Variants in CNTN5 observed in about 807,000 individuals in gnomAD.
CNTN5 encodes contactin 5.
CNTN5 carries 77 observed loss-of-function variants against 129.1 expected under a neutral mutation model. The observed-to-expected ratio is 0.60, with a 90% confidence interval of 0.50 to 0.72. The LOEUF is 0.72. Ranked by LOEUF, CNTN5 falls within the 30% of genes least tolerant of loss-of-function variation. The pLI, the probability that CNTN5 is intolerant of heterozygous loss-of-function variation, is 0.00. For synonymous variants in CNTN5, 509 were observed against 465.6 expected (o/e 1.09, Z -1.20); for missense variants, 1,478 against 1,328.8 (o/e 1.11, Z -1.75).
intron 1 of CNTN5, among the ~76,000 whole-genome samples, chr11:99,162,066 T>C (rs1860635916): frequency 6.6e-6 from 1 of 152,120 alleles, no homozygotes; most frequent in Non-Finnish European, 1.5e-5. Context: ...TCTACAACCC[T>C]AGACTACCCT....
chr11:100,219,698 C>T (rs1168918377), intron 15 of CNTN5, among the ~76,000 whole-genome samples: 2 of 152,118 alleles, frequency 1.3e-5, no homozygotes, highest in East Asian at 3.9e-4. Context: ...GCCCTATTTA[C>T]TCATTTTGAG....
At chr11:99,552,229 A>G (rs1236753561) in intron 2 of CNTN5, among the ~76,000 whole-genome samples, 3 of 137,170 alleles carry the variant, frequency 2.2e-5, no homozygotes, top group Non-Finnish European at 3.0e-5. Context: ...TTTTTTTTGT[A>G]TTATATTTTG....
At chr11:99,906,652 G>A (rs575850180) in intron 6 of CNTN5, among the ~76,000 whole-genome samples, 11 of 152,232 alleles carry the variant, frequency 7.2e-5, no homozygotes, top group African/African-American at 2.2e-4. Flanking sequence ...GGATGATGCT[G>A]CCCTCATAAA....
At chr11:99,513,386 C>G (rs1198249221) in intron 2 of CNTN5, among the ~76,000 whole-genome samples, 4 of 152,040 alleles carry the variant, frequency 2.6e-5, no homozygotes, top group East Asian at 1.9e-4. Flanking sequence ...TAGTTAAGAT[C>G]GTTGATGAAG....
chr11:99,678,953 C>T (rs986744513), intron 3 of CNTN5, among the ~76,000 whole-genome samples: 9 of 148,438 alleles, frequency 6.1e-5, no homozygotes, highest in African/African-American at 2.2e-4. Context: ...ATCTGCTATT[C>T]ACTCTCTCTC....
At chr11:100,035,829 G>A (rs1389032504) in intron 9 of CNTN5, among the ~76,000 whole-genome samples, 2 of 151,814 alleles carry the variant, frequency 1.3e-5, no homozygotes, top group Non-Finnish European at 2.9e-5. Context: ...TTTTTTTCTT[G>A]TAAATTTGTT....
rs111777548 is a variant in CNTN5, at chr11:99,717,998, C to A, written c.56-101546C>A. Among the ~76,000 whole-genome samples the A allele has an allele frequency of 3.0e-3, 459 of 152,216 alleles. 3 individuals carry two copies. The highest frequency in any genetic ancestry group is 9.8e-3 in the African/African-American group (409 of 41,542). Reference sequence around the variant, plus strand: ...AGGCGTTTCATTGCGAATTTCAACTCAGGTTTACTTCCTACATTTTAATTA... The same window carrying A: ...AGGCGTTTCATTGCGAATTTCAACTAAGGTTTACTTCCTACATTTTAATTA... On this transcript the variant is annotated intron_variant, in intron 3 of 24. Transcript: ENST00000524871.
At chr11:100,139,573 T>C (rs74971410) in intron 13 of CNTN5, among the ~76,000 whole-genome samples, 14,396 of 152,084 alleles carry the variant, frequency 0.095, 857 homozygotes, top group Non-Finnish European at 0.13. Context: ...CAAGAAATCA[T>C]AGGATAATGG....
At chr11:100,126,994 A>G (rs1946203174) in intron 13 of CNTN5, among the ~76,000 whole-genome samples, 2 of 149,070 alleles carry the variant, frequency 1.3e-5, no homozygotes, top group African/African-American at 2.5e-5. Flanking sequence ...ATCATAGGTT[A>G]TTGCAGCCTT....
At chr11:100,049,587 C>A (rs1712029223) in intron 9 of CNTN5, among the ~76,000 whole-genome samples, 1 of 152,026 alleles carries the variant, frequency 6.6e-6, no homozygotes, top group Non-Finnish European at 1.5e-5. Flanking sequence ...GTTGAAAACA[C>A]CAAAAGCAAC....
At chr11:100,274,827 C>T (rs1053771294) in intron 18 of CNTN5, among the ~76,000 whole-genome samples, 3 of 152,184 alleles carry the variant, frequency 2.0e-5, no homozygotes, top group Admixed American at 1.3e-4. Context: ...GAAAGTGTGA[C>T]GACAACTCAA....
chr11:99,882,073 A>G (rs1194692426), intron 6 of CNTN5, among the ~76,000 whole-genome samples: 3 of 152,216 alleles, frequency 2.0e-5, no homozygotes, highest in Non-Finnish European at 4.4e-5. Flanking sequence ...ACACAAAGCC[A>G]TCTCAGCCTA....
At chr11:99,759,280 T>G (rs1944500444) in intron 3 of CNTN5, among the ~76,000 whole-genome samples, 1 of 151,974 alleles carries the variant, frequency 6.6e-6, no homozygotes, top group Non-Finnish European at 1.5e-5. Context: ...ACTTAGAAAT[T>G]TTTACAATGA....
intron 1 of CNTN5, among the ~76,000 whole-genome samples, chr11:99,116,422 T>G (rs1858047777): frequency 6.6e-6 from 1 of 152,190 alleles, no homozygotes; most frequent in Admixed American, 6.5e-5. Context: ...TGCACTTAAA[T>G]TATTACTTAA....
At chr11:99,930,308 C>T (rs1950161961) in intron 7 of CNTN5, among the ~76,000 whole-genome samples, 1 of 152,160 alleles carries the variant, frequency 6.6e-6, no homozygotes, top group African/African-American at 2.4e-5. Context: ...TACTGTGCAT[C>T]CCTGAACATG....
At chr11:99,127,018 T>C (rs1227620941) in intron 1 of CNTN5, among the ~76,000 whole-genome samples, 1 of 152,194 alleles carries the variant, frequency 6.6e-6, no homozygotes, top group African/African-American at 2.4e-5. Flanking sequence ...ACTATCTATG[T>C]ATTGATGACT....
intron 2 of CNTN5, among the ~76,000 whole-genome samples, chr11:99,361,325 C>G (rs539126164): frequency 6.6e-6 from 1 of 152,056 alleles, no homozygotes; most frequent in Admixed American, 6.6e-5. Context: ...GTTATAGCAA[C>G]CAAAATGGAC....
intron 3 of CNTN5, among the ~76,000 whole-genome samples, chr11:99,799,014 T>A (rs559877373): frequency 6.6e-6 from 1 of 152,164 alleles, no homozygotes; most frequent in South Asian, 2.1e-4. Flanking sequence ...GTATTTTATT[T>A]TTCATGTAGC....
chr11:99,140,161 G>T (rs535516418), intron 1 of CNTN5, among the ~76,000 whole-genome samples: 40 of 152,160 alleles, frequency 2.6e-4, no homozygotes, highest in African/African-American at 9.6e-4. Flanking sequence ...GAAAAACTTA[G>T]AACTGCACAA....
Sources: allele counts gnomAD v4.1 joint callset (sites outside exome capture counted in the v4.1 genomes callset), GRCh38; gene constraint gnomAD v4.1.1; transcripts MANE v1.5; gene names NCBI Gene and HGNC (gene_info 2026-07-23, HGNC 2026-07-21).